AGRN: variants seen among roughly 807,000 people sequenced by gnomAD.
AGRN encodes the protein agrin proteoglycan.
In AGRN, 106 loss-of-function variants were observed where a neutral mutation model predicts 211.0. The observed-to-expected ratio is 0.50, with a 90% CI of 0.43 to 0.59. AGRN has a LOEUF of 0.59. Among genes scored for constraint, AGRN ranks in the 20% least tolerant of loss-of-function variants. AGRN has a pLI of 0.00. For synonymous variants in AGRN, 1,525 were observed against 1,332.5 expected (o/e 1.14, Z -3.15); for missense variants, 3,040 against 2,982.6 (o/e 1.02, Z -0.45).
Position 1,031,049 on chromosome 1 carries a change from CAT to C in AGRN, c.464-4227_464-4226del, listed in dbSNP as rs1491166625. On this transcript the variant is annotated intron_variant, in intron 2 of 35. Transcript: ENST00000379370. This position sits in a 1 kb window ranked among gnomAD's most constrained non-coding sequence, Gnocchi z 4.8. ...GTGCATGGTGCTGTGAGTGTATCAG[CAT>C]GTGTGTGTGTGCAGTGCATGGTGCT... 3.5e-5 allele frequency among the ~76,000 whole-genome samples: 4 copies of C among 113,536 alleles called. No homozygotes were observed. The highest frequency in any genetic ancestry group is 6.9e-5 in the Non-Finnish European group (4 of 58,118). The allele number at this position is 113,536 out of a possible 152,430, so 74.5% of individuals were successfully genotyped here. A position where few individuals can be genotyped will look rare whatever the true frequency, so the allele number is the denominator to read the frequency against.
intron 28 of AGRN, 30 bp downstream of exon 28, chr1:1,050,359 C>T (rs1553177973): frequency 3.7e-6 from 6 of 1,612,674 alleles, no homozygotes; most frequent in Admixed American, 3.3e-5. Flanking sequence ...GGGGAAGGGC[C>T]GGCCCCCACC....
intron 34 of AGRN, 47 bp from the exon 35 acceptor site, chr1:1,054,401 A>G: frequency 6.7e-7 from 1 of 1,496,644 alleles, no homozygotes; most frequent in South Asian, 1.2e-5. Context: ...TAGAGGAGGC[A>G]GAGGGAACTC....
chr1:1,024,528 G>A (rs924627899), intron 2 of AGRN, among the ~76,000 whole-genome samples: 19 of 152,020 alleles, frequency 1.2e-4, no homozygotes, highest in Non-Finnish European at 2.4e-4. Context: ...CTACCCCTGA[G>A]ACCACAGGGT....
chr1:1,048,666 C>T lies in AGRN; in HGVS notation c.4106-201C>T. The T allele has an allele frequency of 1.5e-6, 1 of 667,222 alleles. No individual in the cohort carries two copies. The highest frequency in any genetic ancestry group is 2.5e-6 in the Non-Finnish European group (1 of 406,784). 41.3% of individuals were successfully genotyped at this position (667,222 alleles called of 1,614,324 possible). ...GCGCCTGTAATCCCACCTCGTGAGG[C>T]TGAGGCAGGAGAATCGCTTGAACCT... On this transcript the variant is annotated intron_variant, in intron 23 of 35. Coordinates refer to ENST00000379370, the MANE Select transcript of AGRN (RefSeq NM_198576.4). The surrounding 1 kb of genome is among the most constrained non-coding windows in gnomAD (Gnocchi z 5.9).
chr1:1,028,833 C>A (rs1158642757), intron 2 of AGRN, among the ~76,000 whole-genome samples: 1 of 41,192 alleles, frequency 2.4e-5, no homozygotes, highest in African/African-American at 6.6e-5. Flanking sequence ...AGCCCCAGCC[C>A]CTCGTGGGCC....
Position 1,047,778 on chromosome 1 carries a change from A to G in AGRN, c.3634A>G (p.Thr1212Ala), listed in dbSNP as rs1234122679. 3.7e-6 allele frequency: 6 copies of G among 1,608,330 alleles called. No individual in the cohort carries two copies. Among genetic ancestry groups the G allele is most frequent in the East Asian group, 2.2e-5 (1 of 44,636 alleles). The stretch of plus-strand genomic sequence containing the variant: ...GCTCAGAGCTCCCTCCTCCCCAGCC[A>G]CAGCCTTCAGGGCACCCGACGTGGC... Reference protein sequence around the residue: ...AIVDVHFDPTTAFRAPDVARA... With the variant: ...AIVDVHFDPTAAFRAPDVARA... The change falls in exon 22 of 36, where the codon ACA becomes GCA. Residue 1212 changes from threonine to alanine, a missense_variant and splice_region_variant. Coordinates refer to ENST00000379370, the MANE Select transcript of AGRN (RefSeq NM_198576.4).
chr1:1,040,495 C>T (rs1478890856), intron 3 of AGRN, among the ~76,000 whole-genome samples, 170 bp from the exon 4 acceptor site: 1 of 152,166 alleles, frequency 6.6e-6, no homozygotes, highest in Non-Finnish European at 1.5e-5. Flanking sequence ...CTGCGAGGGG[C>T]AGGGCCGGTC....
At chr1:1,050,921 C>G (rs987020086) in intron 30 of AGRN, 84 bp downstream of exon 30, 1 of 1,532,290 alleles carries the variant, frequency 6.5e-7, no homozygotes, top group African/African-American at 1.4e-5. Flanking sequence ...CCGGCGCTCA[C>G]GGAGCTGTTT....
intron 34 of AGRN, among the ~76,000 whole-genome samples, chr1:1,054,179 C>G (rs150875547): frequency 6.6e-6 from 1 of 152,224 alleles, no homozygotes; most frequent in Non-Finnish European, 1.5e-5. Context: ...AAAGGCATCC[C>G]GGCCCTGCCC....
Position 1,049,262 on chromosome 1 carries a change from T to C in AGRN, c.4325T>C (p.Val1442Ala). 1 of 1,592,554 alleles carries C rather than the reference T, an allele frequency of 6.3e-7. No individual in the cohort carries two copies. The highest frequency in any genetic ancestry group is 2.3e-5 in the East Asian group (1 of 44,428). ...TTTGACACAGGTTCGGGGCCGGCGG[T>C]GCTGACCAGTGCCGTGCCGGTAGAG... Reference protein sequence around the residue: ...LRFDTGSGPAVLTSAVPVEPG... With the variant: ...LRFDTGSGPAALTSAVPVEPG... Residue 1442 changes from valine to alanine, a missense_variant, in exon 25 of 36, where the codon GTG becomes GCG. Val to Ala is a moderately conservative substitution (Grantham distance 64, BLOSUM62 0). Transcript: ENST00000379370.
chr1:1,055,177 C>A lies in AGRN; in HGVS notation c.*196C>A. ...CGAGGTGGCAGCGTGGAGGGCTCGG[C>A]GTGGATGGCAGCCTCAGGACACACA... On this transcript the variant is annotated 3_prime_UTR_variant, in exon 36 of 36. Transcript: ENST00000379370. 1.2e-6 allele frequency: 1 copy of A among 854,104 alleles called. No homozygotes were observed. Among genetic ancestry groups the A allele is most frequent in the Non-Finnish European group, 1.8e-6 (1 of 547,968 alleles). The allele number at this position is 854,104 out of a possible 1,614,324, so 52.9% of individuals were successfully genotyped here.
At chr1:1,041,419 C>A in intron 5 of AGRN, 22 bp downstream of exon 5, 1 of 1,544,806 alleles carries the variant, frequency 6.5e-7, no homozygotes. Flanking sequence ...GGCGGGCGCA[C>A]GGCTCGAGCT....
At chr1:1,020,703 G>T (rs1644378714) in intron 1 of AGRN, among the ~76,000 whole-genome samples, 1 of 152,170 alleles carries the variant, frequency 6.6e-6, no homozygotes, top group Admixed American at 6.5e-5. Flanking sequence ...TGCCCGGGCG[G>T]GGAGCGGGGG....
chr1:1,035,472 C>T (rs999746418), intron 3 of AGRN, 148 bp downstream of exon 3: 54 of 1,129,568 alleles, frequency 4.8e-5, no homozygotes, highest in African/African-American at 4.1e-4. Context: ...CCTGGGAGTC[C>T]GCAGCGGTGG....
At chr1:1,053,446 C>T (rs750518260) in intron 33 of AGRN, 2 of 1,449,090 alleles carry the variant, frequency 1.4e-6, no homozygotes, top group Middle Eastern at 1.8e-4. Flanking sequence ...GCCTCCCTCT[C>T]TTCCTGCTTC....
Position 1,045,451 on chromosome 1 carries a change from AG to A in AGRN, c.2466del (p.Arg822SerfsTer41). 1 of 1,612,748 alleles carries A rather than the reference AG, an allele frequency of 6.2e-7. No homozygotes were observed. The highest frequency in any genetic ancestry group is 8.5e-7 in the Non-Finnish European group (1 of 1,179,916). On this transcript the variant is annotated frameshift_variant, in exon 14 of 36. Transcript: ENST00000379370. LOFTEE classifies it high-confidence loss of function. ...CSCRPGVGGL[R>X]CDRCEPGFWN... ...CTGCCGCCCAGGTGTGGGGGGCCTC[AG>A]GTGTGACCGCTGTGAGCCTGGCTTC...
intron 2 of AGRN, among the ~76,000 whole-genome samples, chr1:1,024,181 T>G (rs1215696286): frequency 6.6e-6 from 1 of 151,832 alleles, no homozygotes; most frequent in Non-Finnish European, 1.5e-5. Context: ...CTCGGGTGGC[T>G]GGGGTCCCTG....
intron 2 of AGRN, among the ~76,000 whole-genome samples, chr1:1,028,427 G>C (rs1351335867): frequency 4.6e-5 from 7 of 151,996 alleles, no homozygotes; most frequent in Non-Finnish European, 8.8e-5. Flanking sequence ...GAGCGTTTGG[G>C]TGGACCGGAA....
intron 2 of AGRN, among the ~76,000 whole-genome samples, chr1:1,025,800 A>G (rs1409112271): frequency 1.3e-5 from 2 of 149,782 alleles, no homozygotes; most frequent in Non-Finnish European, 3.0e-5. Context: ...GGCTCCTGGT[A>G]GGAAGTTGGG....
Sources: gnomAD v4.1 joint callset for allele counts (sites outside exome capture counted in the v4.1 genomes callset) on GRCh38, gnomAD v4.1.1 for gene constraint, Gnocchi (gnomAD v3.1) non-coding constraint, MANE v1.5 for transcripts, NCBI Gene and HGNC (gene_info 2026-07-23, HGNC 2026-07-21) for gene names.